The following GPHN variants were observed in gnomAD, a reference collection of about 807,000 sequenced individuals.
The protein encoded by GPHN is gephyrin.
Under a neutral mutation model 95.5 loss-of-function variants are expected in GPHN, and 17 were observed. The ratio of observed to expected loss-of-function variants is 0.18; its 90% CI spans 0.12 to 0.27. The LOEUF (loss-of-function observed/expected upper bound fraction) is 0.27. GPHN is among the 10% of genes least tolerant of loss of function. GPHN has a pLI of 1.00. For missense variants in GPHN, 660 were observed against 978.1 expected, an observed-to-expected ratio of 0.67 and a Z score of 4.34; for synonymous variants, 320 against 322.5, an observed-to-expected ratio of 0.99 and a Z score of 0.08.
intron 1 of GPHN, among the ~76,000 whole-genome samples, chr14:66,578,654 G>GAAAAAA (rs574302625): frequency 1.7e-5 from 1 of 59,670 alleles, no homozygotes; most frequent in Non-Finnish European, 3.3e-5. Flanking sequence ...GGGATAGAGT[G>GAAAAAA]AAAAAAAAAA....
chr14:66,941,224 CAT>C (rs1382964946), intron 8 of GPHN, among the ~76,000 whole-genome samples: 1 of 150,382 alleles, frequency 6.6e-6, no homozygotes, highest in Non-Finnish European at 1.5e-5. Context: ...AATTGTGAAA[CAT>C]AATTTCTCTC....
At chr14:67,204,613 G>T in the GPHN span, 1 of 1,613,668 alleles carries the variant, frequency 6.2e-7, no homozygotes. Context: ...GCTGGTGAGT[G>T]GTCGAGCCTA....
At chr14:67,412,077 A>T in the GPHN span, 1 of 1,532,852 alleles carries the variant, frequency 6.5e-7, no homozygotes, top group Non-Finnish European at 8.7e-7. Flanking sequence ...CCCGCACGCC[A>T]GGGCCACCCC....
chr14:67,453,339 G>A, the GPHN span, among the ~76,000 whole-genome samples: 1 of 152,146 alleles, frequency 6.6e-6, no homozygotes, highest in South Asian at 2.1e-4. Context: ...CTGAGGGAAG[G>A]AGCAGGAGAG....
the GPHN span, among the ~76,000 whole-genome samples, chr14:67,380,108 C>T: frequency 2.0e-5 from 3 of 152,102 alleles, no homozygotes; most frequent in African/African-American, 7.2e-5. Flanking sequence ...TTTTACAGTG[C>T]TACTCCTCTT....
At chr14:67,599,648 T>C in the GPHN span, among the ~76,000 whole-genome samples, 1 of 152,134 alleles carries the variant, frequency 6.6e-6, no homozygotes, top group Non-Finnish European at 1.5e-5. Context: ...GCAGAAGGGA[T>C]GGACGAGGAA....
chr14:67,019,537 G>A (rs1024788454), intron 9 of GPHN, among the ~76,000 whole-genome samples: 8 of 152,144 alleles, frequency 5.3e-5, no homozygotes, highest in Admixed American at 5.2e-4. Flanking sequence ...AATCGGATTT[G>A]TGTTAACCTG....
At chr14:67,318,902 C>T in the GPHN span, among the ~76,000 whole-genome samples, 1 of 151,878 alleles carries the variant, frequency 6.6e-6, no homozygotes, top group African/African-American at 2.4e-5. Flanking sequence ...CTAAAAAATA[C>T]AAAAAATTAG....
chr14:67,428,988 C>A, the GPHN span, among the ~76,000 whole-genome samples: 3 of 152,118 alleles, frequency 2.0e-5, no homozygotes, highest in African/African-American at 7.2e-5. Context: ...CCATTAGAGT[C>A]AAATGAGAGC....
At chr14:67,595,390 C>T in the GPHN span, among the ~76,000 whole-genome samples, 3 of 152,124 alleles carry the variant, frequency 2.0e-5, no homozygotes, top group Admixed American at 6.5e-5. Flanking sequence ...GTCAAACCAT[C>T]GTAAGTTGGG....
intron 1 of GPHN, among the ~76,000 whole-genome samples, chr14:66,626,875 T>C (rs1286311596): frequency 6.6e-6 from 1 of 152,040 alleles, no homozygotes; most frequent in Non-Finnish European, 1.5e-5. Context: ...ATGAAGAACT[T>C]TGTGATCCTA....
At chr14:66,582,867 C>T (rs576063004) in intron 1 of GPHN, among the ~76,000 whole-genome samples, 2 of 152,204 alleles carry the variant, frequency 1.3e-5, no homozygotes, top group East Asian at 3.9e-4. Flanking sequence ...GTCTTTATAG[C>T]AGCATGATTT....
At chr14:67,674,317 C>A in the GPHN span, 1 of 1,447,044 alleles carries the variant, frequency 6.9e-7, no homozygotes, top group Non-Finnish European at 9.2e-7. Flanking sequence ...GTGGGAGAAT[C>A]TTCCTTCCAA....
rs1332431980 is a variant in GPHN, at chr14:66,683,361, T to TGTTC, written c.143+2176_143+2177insGTTC. 2.9e-3 allele frequency among the ~76,000 whole-genome samples: 248 copies of TGTTC among 84,882 alleles called. 5 individuals carry two copies. The highest frequency in any genetic ancestry group is 4.4e-3 in the Non-Finnish European group (207 of 46,562). The allele number at this position is 84,882 out of a possible 152,430, so 55.7% of individuals were successfully genotyped here. On this transcript the variant is annotated intron_variant, in intron 2 of 22. Coordinates refer to ENST00000478722, the MANE Select transcript of GPHN (RefSeq NM_020806.5). ...ATATATATATATATATATATATATA[T>TGTTC]ATATATATATATATATATGTTCATA...
the GPHN span, among the ~76,000 whole-genome samples, chr14:67,543,175 A>G: frequency 6.6e-6 from 1 of 152,224 alleles, no homozygotes; most frequent in Non-Finnish European, 1.5e-5. Flanking sequence ...GTACAAAGGG[A>G]AAATTCAGCT....
At chr14:67,412,053 C>T in the GPHN span, 5 of 1,552,436 alleles carry the variant, frequency 3.2e-6, no homozygotes, top group African/African-American at 4.3e-5. Flanking sequence ...AGCACGCCGT[C>T]CTCCATGTCG....
chr14:67,084,880 T>G (rs2076825459), intron 11 of GPHN, among the ~76,000 whole-genome samples: 2 of 152,216 alleles, frequency 1.3e-5, no homozygotes, highest in African/African-American at 4.8e-5. Context: ...CCAGAATGTT[T>G]AAGATGTGAC....
chr14:67,297,597 C>G, the GPHN span, among the ~76,000 whole-genome samples: 2 of 152,098 alleles, frequency 1.3e-5, no homozygotes, highest in Non-Finnish European at 2.9e-5. Flanking sequence ...TGTGGAAAGT[C>G]AGTGGAAACA....
At chr14:67,440,077 C>A in the GPHN span, among the ~76,000 whole-genome samples, 1 of 152,146 alleles carries the variant, frequency 6.6e-6, no homozygotes, top group African/African-American at 2.4e-5. Flanking sequence ...CTCAAGTGAT[C>A]CACCTGCCTC....
Sources: gnomAD v4.1 joint callset for allele counts (sites outside exome capture counted in the v4.1 genomes callset) on GRCh38, gnomAD v4.1.1 for gene constraint, MANE v1.5 for transcripts, NCBI Gene and HGNC (gene_info 2026-07-23, HGNC 2026-07-21) for gene names.